Variants in CDH4 observed in about 807,000 individuals in gnomAD.
CDH4 encodes cadherin 4.
Under a neutral mutation model 86.0 loss-of-function variants are expected in CDH4, and 33 were observed. The observed-to-expected ratio is 0.38, with a 90% confidence interval of 0.29 to 0.51. The LOEUF is 0.51. Among genes scored for constraint, CDH4 ranks in the 20% least tolerant of loss-of-function variants. The pLI is 0.86. For missense variants in CDH4, 1,114 were observed against 1,307.4 expected (o/e 0.85, Z 2.28); for synonymous variants, 555 against 549.4 (o/e 1.01, Z -0.14).
chr20:61,933,139 C>G lies in CDH4; in HGVS notation c.2379+15C>G. ...AGGAGGACCAGGTGAGACTGCGGCC[C>G]GCCCCCGCCTCCCCACGCGAGGCCG... On this transcript the variant is annotated intron_variant, in intron 14 of 15. Transcript: ENST00000614565. 7 of 1,609,146 alleles carry G rather than the reference C, an allele frequency of 4.4e-6. No homozygotes were observed. The highest frequency in any genetic ancestry group is 5.9e-6 in the Non-Finnish European group (7 of 1,177,382).
intron 4 of CDH4, among the ~76,000 whole-genome samples, chr20:61,834,732 G>A (rs1466299160): frequency 3.6e-5 from 5 of 139,182 alleles, no homozygotes; most frequent in South Asian, 4.6e-4. Context: ...GCAGCCTCAC[G>A]GGCTGAAACA....
intron 2 of CDH4, among the ~76,000 whole-genome samples, chr20:61,679,386 G>T (rs1464354412): frequency 6.6e-6 from 1 of 152,176 alleles, no homozygotes; most frequent in African/African-American, 2.4e-5. Flanking sequence ...TGGAGGTGAG[G>T]GGTGGGTCCC....
chr20:61,649,697 C>A (rs1310140976), intron 2 of CDH4, among the ~76,000 whole-genome samples: 2 of 152,152 alleles, frequency 1.3e-5, no homozygotes, highest in Non-Finnish European at 2.9e-5. Context: ...ATTTGGAAAC[C>A]GCAGAGCAGC....
chr20:61,374,852 G>A (rs1424567502), intron 2 of CDH4, among the ~76,000 whole-genome samples: 1 of 152,218 alleles, frequency 6.6e-6, no homozygotes, highest in Non-Finnish European at 1.5e-5. Flanking sequence ...CCTATTTCTT[G>A]GGAAGCGTGC....
At chr20:61,298,175 G>T (rs1422629825) in intron 2 of CDH4, among the ~76,000 whole-genome samples, 3 of 152,230 alleles carry the variant, frequency 2.0e-5, no homozygotes, top group Admixed American at 6.5e-5. Flanking sequence ...AGGGAGCCGG[G>T]TTTCCGGCCT....
intron 2 of CDH4, among the ~76,000 whole-genome samples, chr20:61,445,467 G>A (rs2085344199): frequency 6.6e-6 from 1 of 152,190 alleles, no homozygotes; most frequent in Non-Finnish European, 1.5e-5. Context: ...GCGGGGCATG[G>A]GAGTGCAGAT....
rs942245343 is a variant in CDH4 at position 61,334,268 on chromosome 20, T to G, written c.169+79331T>G. Among the ~76,000 whole-genome samples the G allele has an allele frequency of 4.6e-5, 7 of 152,362 alleles. No individual in the cohort carries two copies. The South Asian group carries it at 1.4e-3, about 32-fold the overall frequency. On this transcript the variant is annotated intron_variant, in intron 2 of 15. Transcript: ENST00000614565. Reference sequence around the variant, plus strand: ...ATGAGGCTCATGGAGTACTTCCTATTTTTGTGGTGTCTCACATAATCACAG... The same window carrying G: ...ATGAGGCTCATGGAGTACTTCCTATGTTTGTGGTGTCTCACATAATCACAG...
intron 2 of CDH4, among the ~76,000 whole-genome samples, chr20:61,635,223 C>T (rs1301334403): frequency 9.9e-5 from 15 of 152,224 alleles, no homozygotes; most frequent in Non-Finnish European, 1.9e-4. Flanking sequence ...AAGCTGTTTT[C>T]CACAGGGGCC....
At position 61,510,926 on chromosome 20, in the gene CDH4, A is replaced by G. The variant is rs1465446113; in HGVS notation, c.170-232637A>G. On this transcript the variant is annotated intron_variant, in intron 2 of 15. Transcript: ENST00000614565. The surrounding 1 kb of genome is among the most constrained non-coding windows in gnomAD (Gnocchi z 4.2). ...GAGGGGGTGGGGACAGACATGTCAC[A>G]AAATGAAAGCAGGAGTGAGAGAGAG... Among the ~76,000 whole-genome samples the G allele has an allele frequency of 6.6e-6, 1 of 152,088 alleles. No individual in the cohort carries two copies. The highest frequency in any genetic ancestry group is 1.9e-4 in the East Asian group (1 of 5,154).
At chr20:61,571,073 G>C (rs2086338357) in intron 2 of CDH4, among the ~76,000 whole-genome samples, 1 of 152,186 alleles carries the variant, frequency 6.6e-6, no homozygotes, top group Non-Finnish European at 1.5e-5. Context: ...TGTGCAAGGT[G>C]GTGGGGTCCA....
At chr20:61,905,414 G>A (rs373479739) in intron 8 of CDH4, among the ~76,000 whole-genome samples, 128 of 152,348 alleles carry the variant, frequency 8.4e-4, no homozygotes, top group African/African-American at 2.9e-3. Context: ...GTGGAGAAGC[G>A]TCAGACAGGC....
chr20:61,554,011 C>A (rs1368674467), intron 2 of CDH4, among the ~76,000 whole-genome samples: 1 of 152,190 alleles, frequency 6.6e-6, no homozygotes, highest in Non-Finnish European at 1.5e-5. Flanking sequence ...TCCATCTGCT[C>A]TGAGGAGCAC....
intron 2 of CDH4, among the ~76,000 whole-genome samples, chr20:61,305,914 G>A (rs535947963): frequency 1.3e-5 from 2 of 152,326 alleles, no homozygotes; most frequent in East Asian, 3.9e-4. Flanking sequence ...TGATAGGGGT[G>A]ATAAATATAT....
chr20:61,628,344 C>T (rs929268835), intron 2 of CDH4, among the ~76,000 whole-genome samples: 2 of 152,114 alleles, frequency 1.3e-5, no homozygotes. Flanking sequence ...CACCCCTGTG[C>T]TCAGCCGGTC....
chr20:61,582,127 T>A lies in CDH4; in HGVS notation c.170-161436T>A, dbSNP rs148851255. 1.3e-4 allele frequency among the ~76,000 whole-genome samples: 20 copies of A among 152,366 alleles called. No individual in the cohort carries two copies. The highest frequency in any genetic ancestry group is 4.6e-4 in the Admixed American group (7 of 15,314). ...GTGGCCATCATTACCATTGGCGGCA[T>A]GCTGCCCATGCCTTGTGTGTGCACG... On this transcript the variant is annotated intron_variant, in intron 2 of 15. Transcript: ENST00000614565. The surrounding 1 kb of genome is among the most constrained non-coding windows in gnomAD (Gnocchi z 4.2).
At chr20:61,572,873 AC>A (rs2086352365) in intron 2 of CDH4, among the ~76,000 whole-genome samples, 1 of 151,746 alleles carries the variant, frequency 6.6e-6, no homozygotes, top group Admixed American at 6.6e-5. Context: ...GGATGGACAG[AC>A]AGAGGGAGAG....
At chr20:61,781,578 A>T (rs1380019562) in intron 4 of CDH4, among the ~76,000 whole-genome samples, 1 of 152,238 alleles carries the variant, frequency 6.6e-6, no homozygotes, top group African/African-American at 2.4e-5. Flanking sequence ...CAATACAATT[A>T]TCCAGCCTGA....
chr20:61,545,841 T>C (rs902968507), intron 2 of CDH4, among the ~76,000 whole-genome samples: 1 of 144,576 alleles, frequency 6.9e-6, no homozygotes, highest in East Asian at 2.1e-4. Context: ...TGTGTGTGTG[T>C]GGAGGGGTAT....
intron 4 of CDH4, among the ~76,000 whole-genome samples, chr20:61,775,114 A>G (rs1472104128): frequency 6.6e-6 from 1 of 152,096 alleles, no homozygotes; most frequent in African/African-American, 2.4e-5. Context: ...TTTATCCCCA[A>G]AGGAGATTGT....
Sources: gnomAD v4.1 joint callset for allele counts (sites outside exome capture counted in the v4.1 genomes callset) on GRCh38, gnomAD v4.1.1 for gene constraint, Gnocchi (gnomAD v3.1) non-coding constraint, MANE v1.5 for transcripts, NCBI Gene and HGNC (gene_info 2026-07-23, HGNC 2026-07-21) for gene names.